NLGN4X: variants seen among roughly 807,000 people sequenced by gnomAD.
NLGN4X encodes the protein neuroligin 4 X-linked.
In NLGN4X, 3 loss-of-function variants were observed where a neutral mutation model predicts 40.3. The observed-to-expected ratio is 0.07, with a 90% confidence interval of 0.03 to 0.19. The LOEUF is 0.19. NLGN4X is among the 10% of genes least tolerant of loss of function. The pLI is 1.00. For missense variants in NLGN4X, 382 were observed against 708.3 expected, an observed-to-expected ratio of 0.54 and a Z score of 5.23; for synonymous variants, 270 against 306.8, an observed-to-expected ratio of 0.88 and a Z score of 1.25.
chrX:5,948,091 G>A (rs1292564136), intron 3 of NLGN4X, among the ~76,000 whole-genome samples: 2 of 110,991 alleles, frequency 1.8e-5, no homozygotes, highest in African/African-American at 6.5e-5. Context: ...AGAATGGAAA[G>A]ACATAGTAAC....
At chrX:5,896,015 G>C (rs889625713) in intron 5 of NLGN4X, among the ~76,000 whole-genome samples, 1 of 111,432 alleles carries the variant, frequency 9.0e-6, no homozygotes. Context: ...ATTAGTTATT[G>C]ATTTTTAATA....
intron 2 of NLGN4X, among the ~76,000 whole-genome samples, chrX:6,107,232 T>C (rs2039050625): frequency 8.9e-6 from 1 of 112,053 alleles, no homozygotes; most frequent in Non-Finnish European, 1.9e-5. Flanking sequence ...TGATCTGCTC[T>C]GCCTAGACTT....
At chrX:5,912,379 C>T (rs771663405) in intron 3 of NLGN4X, among the ~76,000 whole-genome samples, 12 of 111,351 alleles carry the variant, frequency 1.1e-4, no homozygotes, top group East Asian at 8.6e-4. Context: ...CCCCTGTCTG[C>T]CAAAGTATTC....
intron 3 of NLGN4X, among the ~76,000 whole-genome samples, chrX:5,933,915 G>T (rs1044430219): frequency 1.2e-4 from 13 of 111,246 alleles, no homozygotes; most frequent in South Asian, 3.8e-4. Context: ...AAATTATCAA[G>T]AATATAAAAA....
intron 1 of NLGN4X, among the ~76,000 whole-genome samples, chrX:6,200,159 A>G (rs1923461456): frequency 8.9e-6 from 1 of 112,456 alleles, no homozygotes; most frequent in African/African-American, 3.2e-5. Flanking sequence ...TTCATGCAAT[A>G]CACATGTTTA....
Position 5,979,365 on chromosome X carries a change from G to A in NLGN4X, c.625+49915C>T, listed in dbSNP as rs748468882. 4.5e-5 allele frequency among the ~76,000 whole-genome samples: 5 copies of A among 110,675 alleles called. No individual in the cohort carries two copies. The South Asian group carries it at 1.5e-3, about 34-fold the overall frequency. On this transcript the variant is annotated intron_variant, in intron 3 of 5. Transcript: ENST00000381095. ...CTCTTTTTCTTGTGTAAATACCTAG[G>A]AGTTAAATGGCTGAACCACATGGTA...
At chrX:6,049,297 A>C (rs2037416479) in intron 2 of NLGN4X, among the ~76,000 whole-genome samples, 1 of 76,296 alleles carries the variant, frequency 1.3e-5, no homozygotes, top group Non-Finnish European at 2.5e-5. Flanking sequence ...AGGTACAAGA[A>C]AGCTGCTCTG....
intron 2 of NLGN4X, among the ~76,000 whole-genome samples, chrX:6,131,017 A>T (rs905134575): frequency 1.2e-4 from 13 of 111,884 alleles, no homozygotes; most frequent in African/African-American, 4.2e-4. Flanking sequence ...TCCAAGCAAT[A>T]GTAAATACAT....
At chrX:5,974,049 T>C (rs766457508) in intron 3 of NLGN4X, among the ~76,000 whole-genome samples, 6 of 111,303 alleles carry the variant, frequency 5.4e-5, no homozygotes, top group Non-Finnish European at 7.5e-5. Flanking sequence ...AAGCAAGATG[T>C]AAAGAATGCT....
intron 3 of NLGN4X, among the ~76,000 whole-genome samples, chrX:6,008,178 T>C (rs1271631169): frequency 8.9e-6 from 1 of 112,143 alleles, no homozygotes; most frequent in African/African-American, 3.2e-5. Context: ...TGCATTTTTG[T>C]GAATCTATCT....
chrX:5,947,248 C>T (rs763600771), intron 3 of NLGN4X, among the ~76,000 whole-genome samples: 1 of 111,716 alleles, frequency 9.0e-6, no homozygotes, highest in African/African-American at 3.2e-5. Flanking sequence ...TAGCTTTTTA[C>T]GGAATGGCCA....
chrX:5,913,208 A>C (rs2032598181), intron 3 of NLGN4X, among the ~76,000 whole-genome samples: 1 of 111,484 alleles, frequency 9.0e-6, no homozygotes, highest in African/African-American at 3.3e-5. Flanking sequence ...GACACCAGGA[A>C]TCCTGGTATT....
intron 3 of NLGN4X, among the ~76,000 whole-genome samples, chrX:5,979,397 G>T (rs777425836): frequency 9.1e-5 from 10 of 110,422 alleles, no homozygotes; most frequent in African/African-American, 3.3e-4. Flanking sequence ...GGTACTTGTA[G>T]GTTTAACAAC....
At chrX:6,098,130 T>A (rs2038824420) in intron 2 of NLGN4X, among the ~76,000 whole-genome samples, 2 of 110,710 alleles carry the variant, frequency 1.8e-5, no homozygotes, top group Admixed American at 9.6e-5. Context: ...CAGCCTTGCC[T>A]CTACAAAAAA....
At chrX:6,085,491 T>G (rs2038474188) in intron 2 of NLGN4X, among the ~76,000 whole-genome samples, 1 of 111,976 alleles carries the variant, frequency 8.9e-6, no homozygotes, top group South Asian at 3.8e-4. Context: ...TCAGATTTTT[T>G]TGAGTCCTTC....
At position 6,157,676 on chromosome X, in the gene NLGN4X, GA is replaced by G. The variant is rs1355115613; in HGVS notation, c.-305-5906del. 5.8e-4 allele frequency among the ~76,000 whole-genome samples: 65 copies of G among 111,185 alleles called. 1 individual carries two copies. In the Middle Eastern group the frequency reaches 0.018, roughly 32 times the overall value. ...GGGCTGTATTTTCCTTATAACTTTG[GA>G]AAAGGGGAAAAGGGCAAGGAATCTC... On this transcript the variant is annotated intron_variant, in intron 1 of 5. Transcript: ENST00000381095.
At chrX:6,093,838 T>C (rs1478742498) in intron 2 of NLGN4X, among the ~76,000 whole-genome samples, 1 of 112,017 alleles carries the variant, frequency 8.9e-6, no homozygotes. Context: ...AAATATTTCA[T>C]TCTTCAAGGA....
intron 1 of NLGN4X, among the ~76,000 whole-genome samples, chrX:6,214,706 G>A (rs1199717547): frequency 2.7e-5 from 3 of 111,003 alleles, no homozygotes; most frequent in Non-Finnish European, 5.7e-5. Flanking sequence ...ACCAGCCTGC[G>A]CAACATAGTG....
chrX:6,030,131 C>G (rs989480275), intron 2 of NLGN4X, among the ~76,000 whole-genome samples: 7 of 111,860 alleles, frequency 6.3e-5, no homozygotes, highest in Admixed American at 9.5e-5. Context: ...GCAAAAGAAT[C>G]CAAACTATTT....
Sources: allele counts gnomAD v4.1 joint callset (sites outside exome capture counted in the v4.1 genomes callset), GRCh38; gene constraint gnomAD v4.1.1; transcripts MANE v1.5; gene names NCBI Gene and HGNC (gene_info 2026-07-23, HGNC 2026-07-21).